Variants in KCTD6 observed in about 807,000 individuals in gnomAD.
The protein encoded by KCTD6 is potassium channel tetramerization domain containing 6, also known as BTB/POZ domain-containing protein KCTD6.
Under a neutral mutation model 18.7 loss-of-function variants are expected in KCTD6, and 6 were observed. That is an observed-to-expected ratio of 0.32 (90% CI 0.18 to 0.63). The LOEUF (loss-of-function observed/expected upper bound fraction) is 0.63. Among genes scored for constraint, KCTD6 ranks in the 30% least tolerant of loss-of-function variants. The pLI, the probability that KCTD6 is intolerant of heterozygous loss-of-function variation, is 0.79. For missense variants in KCTD6, 165 were observed against 300.2 expected (o/e 0.55, Z 3.33); for synonymous variants, 86 against 108.5 (o/e 0.79, Z 1.29).
Position 58,492,886 on chromosome 3 carries a change from C to G in KCTD6, c.-44+717C>G, listed in dbSNP as rs2063161145. 6.6e-6 allele frequency among the ~76,000 whole-genome samples: 1 copy of G among 152,126 alleles called. No homozygotes were observed. The highest frequency in any genetic ancestry group is 1.5e-5 in the Non-Finnish European group (1 of 68,012). On this transcript the variant is annotated intron_variant, in intron 1 of 2. Coordinates refer to ENST00000404589, the MANE Select transcript of KCTD6 (RefSeq NM_001128214.2). This position sits in a 1 kb window ranked among gnomAD's most constrained non-coding sequence, Gnocchi z 6.1. The stretch of plus-strand genomic sequence containing the variant: ...TGTTTGGATATTCTGCCGAAGTTAC[C>G]ATGTTTCTGTTCAAGTATACCAGTT...
rs1410511332 is a variant in KCTD6 at position 58,493,036 on chromosome 3, C to T, written c.-44+867C>T. On this transcript the variant is annotated intron_variant, in intron 1 of 2. Coordinates refer to ENST00000404589, the MANE Select transcript of KCTD6 (RefSeq NM_001128214.2). The surrounding 1 kb of genome is among the most constrained non-coding windows in gnomAD (Gnocchi z 4.5). ...GGTAGCCTAAGTATCTCTTCTATAT[C>T]CCCCTGGCATGTTCTTTTTTTCGCT... is the stretch of plus-strand genomic sequence containing the variant. 6.6e-6 allele frequency among the ~76,000 whole-genome samples: 1 copy of T among 152,148 alleles called. No homozygotes were observed. Among genetic ancestry groups the T allele is most frequent in the Non-Finnish European group, 1.5e-5 (1 of 68,024 alleles).
Position 58,497,706 on chromosome 3 carries a change from G to A in KCTD6, c.-43-1007G>A, listed in dbSNP as rs1434048272. 3 of 152,156 alleles carry A rather than the reference G, an allele frequency of 2.0e-5. No individual in the cohort carries two copies. The highest frequency in any genetic ancestry group is 4.4e-5 in the Non-Finnish European group (3 of 68,034). The allele number at this position is 152,156 out of a possible 1,614,324, so 9.4% of individuals were successfully genotyped here. ...ATTGACTCTCATCTATATCGGTAAG[G>A]TTCTTTTTGCCCCAAATTGTGCTCT... is the stretch of plus-strand genomic sequence containing the variant. On this transcript the variant is annotated intron_variant, in intron 1 of 2. Coordinates refer to ENST00000404589, the MANE Select transcript of KCTD6 (RefSeq NM_001128214.2). This position sits in a 1 kb window ranked among gnomAD's most constrained non-coding sequence, Gnocchi z 4.2.
rs1247863922 is a variant in KCTD6 at position 58,502,092 on chromosome 3, A to G, written c.*460A>G. 1 of 152,734 alleles carries G rather than the reference A, an allele frequency of 6.5e-6. No individual in the cohort carries two copies. The highest frequency in any genetic ancestry group is 1.5e-5 in the Non-Finnish European group (1 of 68,094). 9.5% of individuals were successfully genotyped at this position (152,734 alleles called of 1,614,324 possible). A position where few individuals can be genotyped will look rare whatever the true frequency, so the allele number is the denominator to read the frequency against. ...TAAATAAGTAGTATTGTAATATTAA[A>G]GGAAAACTGTTCCAATCATTTAAAA... is the stretch of plus-strand genomic sequence containing the variant. On this transcript the variant is annotated 3_prime_UTR_variant, in exon 3 of 3. Coordinates refer to ENST00000404589, the MANE Select transcript of KCTD6 (RefSeq NM_001128214.2).
chr3:58,501,592 A>G lies in KCTD6; in HGVS notation c.674A>G (p.Asn225Ser). The G allele has an allele frequency of 7.2e-7, 1 of 1,381,200 alleles. No homozygotes were observed. Among genetic ancestry groups the G allele is most frequent in the South Asian group, 2.2e-5 (1 of 44,576 alleles). 85.6% of individuals were successfully genotyped at this position (1,381,200 alleles called of 1,614,324 possible). ...ERANENTVEH[N>S]WTFCRLARKT... Reference sequence around the variant, plus strand: ...GCCAATGAAAACACAGTGGAGCACAACTGGACTTTCTGTAGGCTAGCCCGG... The same window carrying G: ...GCCAATGAAAACACAGTGGAGCACAGCTGGACTTTCTGTAGGCTAGCCCGG... Residue 225 changes from asparagine to serine, a missense_variant, in exon 3 of 3, where the codon AAC (asparagine) becomes AGC (serine). By Grantham distance (46) the Asn-to-Ser change is conservative (BLOSUM62 1). This residue lies in a region of KCTD6 where 106 missense variants were observed against 230.4 expected (regional missense o/e 0.46). Coordinates refer to ENST00000404589, the MANE Select transcript of KCTD6 (RefSeq NM_001128214.2). The surrounding 1 kb of genome is among the most constrained non-coding windows in gnomAD (Gnocchi z 9.7).
rs1273856390 is a variant in KCTD6 at position 58,496,029 on chromosome 3, A to C, written c.-43-2684A>C. Among the ~76,000 whole-genome samples, 1 of 152,088 alleles carries C rather than the reference A, an allele frequency of 6.6e-6. No homozygotes were observed. Among genetic ancestry groups the C allele is most frequent in the African/African-American group, 2.4e-5 (1 of 41,420 alleles). ...CCTTGTCTTTGATCTTCTGTTTCTC[A>C]TTTAATCATTTGGATATTCACGGAT... On this transcript the variant is annotated intron_variant, in intron 1 of 2. Transcript: ENST00000404589. The surrounding 1 kb of genome is among the most constrained non-coding windows in gnomAD (Gnocchi z 5.1).
intron 2 of KCTD6, among the ~76,000 whole-genome samples, chr3:58,499,006 C>A (rs777913144): frequency 4.6e-5 from 7 of 151,738 alleles, no homozygotes; most frequent in Non-Finnish European, 1.0e-4. Flanking sequence ...GTCTCGCCTT[C>A]TTGCCCAGGC....
Position 58,498,764 on chromosome 3 carries a change from T to C in KCTD6, c.9T>C (p.Asn3=). The part of the protein sequence containing the change: MD[N]GDWGYMMTDP... The stretch of plus-strand genomic sequence containing the variant: ...ACGCATCACTGGAGCAGATGGATAA[T>C]GGAGACTGGGGCTATATGGTGAGTG... Residue 3 remains asparagine, a synonymous_variant, in exon 2 of 3, where the codon AAT becomes AAC. Transcript: ENST00000404589. The surrounding 1 kb of genome is among the most constrained non-coding windows in gnomAD (Gnocchi z 4.6). 1.2e-6 allele frequency: 2 copies of C among 1,612,620 alleles called. No homozygotes were observed. The highest frequency in any genetic ancestry group is 1.7e-6 in the Non-Finnish European group (2 of 1,179,356).
At position 58,500,888 on chromosome 3, in the gene KCTD6, T is replaced by G. The variant is rs1213188429; in HGVS notation, c.28-58T>G. The G allele has an allele frequency of 2.0e-5, 22 of 1,097,224 alleles. No homozygotes were observed. In the Admixed American group the frequency reaches 4.4e-4, roughly 22 times the overall value. The allele number at this position is 1,097,224 out of a possible 1,614,324, so 68.0% of individuals were successfully genotyped here. ...GCTCAGTATCACTTACTTTCTTAAT[T>G]TGTCAAAGTTAGTATTTAAAAATTT... On this transcript the variant is annotated intron_variant, in intron 2 of 2. Transcript: ENST00000404589.
In KCTD6 at chr3:58,501,812, T is replaced by TC; in HGVS notation, c.*185dup. On this transcript the variant is annotated 3_prime_UTR_variant, in exon 3 of 3. Coordinates refer to ENST00000404589, the MANE Select transcript of KCTD6 (RefSeq NM_001128214.2). This position sits in a 1 kb window ranked among gnomAD's most constrained non-coding sequence, Gnocchi z 9.7. ...CAGACTCCTCCATGTTTTGTTCCCT[T>TC]CCCCCTGAGTATGCATGTGCCTGTT... 2.5e-6 allele frequency: 1 copy of TC among 402,292 alleles called. No homozygotes were observed. 24.9% of individuals were successfully genotyped at this position (402,292 alleles called of 1,614,324 possible). A position where few individuals can be genotyped will look rare whatever the true frequency, so the allele number is the denominator to read the frequency against.
At chr3:58,494,931 C>T (rs925179459) in intron 1 of KCTD6, among the ~76,000 whole-genome samples, 2 of 152,188 alleles carry the variant, frequency 1.3e-5, no homozygotes, top group East Asian at 3.8e-4. Flanking sequence ...ATTTTCAGCA[C>T]TGCTTTATAT....
chr3:58,498,457 G>T lies in KCTD6; in HGVS notation c.-43-256G>T. 1 of 367,866 alleles carries T rather than the reference G, an allele frequency of 2.7e-6. No homozygotes were observed. 22.8% of individuals were successfully genotyped at this position (367,866 alleles called of 1,614,324 possible). A position where few individuals can be genotyped will look rare whatever the true frequency, so the allele number is the denominator to read the frequency against. ...CCTAGACTCTTCCTCCTTCTCTTAA[G>T]TACAGTATAGTTCTTTCTCTGAAAA... On this transcript the variant is annotated intron_variant, in intron 1 of 2. Coordinates refer to ENST00000404589, the MANE Select transcript of KCTD6 (RefSeq NM_001128214.2). This position sits in a 1 kb window ranked among gnomAD's most constrained non-coding sequence, Gnocchi z 4.6.
Position 58,492,950 on chromosome 3 carries a change from A to G in KCTD6, c.-44+781A>G, listed in dbSNP as rs962953390. Among the ~76,000 whole-genome samples the G allele has an allele frequency of 2.0e-5, 3 of 152,220 alleles. No individual in the cohort carries two copies. The highest frequency in any genetic ancestry group is 7.2e-5 in the African/African-American group (3 of 41,466). On this transcript the variant is annotated intron_variant, in intron 1 of 2. Transcript: ENST00000404589. This position sits in a 1 kb window ranked among gnomAD's most constrained non-coding sequence, Gnocchi z 6.1. ...ATGGATCCAATTTTAGGACTTTGTG[A>G]TAGAAGAGGTTTGGGTGGCAAAGTG... is the stretch of plus-strand genomic sequence containing the variant.
chr3:58,499,729 G>C (rs2063196301), intron 2 of KCTD6, among the ~76,000 whole-genome samples: 1 of 151,792 alleles, frequency 6.6e-6, no homozygotes, highest in Admixed American at 6.6e-5. Context: ...TTGTAGAGAT[G>C]GAGTTTTGTC....
At position 58,492,826 on chromosome 3, in the gene KCTD6, G is replaced by A. The variant is rs1034374263; in HGVS notation, c.-44+657G>A. ...TGACAGTGGTGGAGGCTGTGTCTGG[G>A]GGTGGGACGGGGAAATGAAACGTGA... On this transcript the variant is annotated intron_variant, in intron 1 of 2. Transcript: ENST00000404589. The surrounding 1 kb of genome is among the most constrained non-coding windows in gnomAD (Gnocchi z 6.1). 6.6e-6 allele frequency among the ~76,000 whole-genome samples: 1 copy of A among 152,152 alleles called. No individual in the cohort carries two copies. The highest frequency in any genetic ancestry group is 2.4e-5 in the African/African-American group (1 of 41,432).
Position 58,501,530 on chromosome 3 carries a change from G to A in KCTD6, c.612G>A (p.Thr204=), listed in dbSNP as rs112724944. ...LMEYITKQGF[T]IRNTRVHHMS... Reference sequence around the variant, plus strand: ...AATACATTACAAAACAAGGTTTCACGATCCGCAACACCCGGGTGCATCACA... The same window carrying A: ...AATACATTACAAAACAAGGTTTCACAATCCGCAACACCCGGGTGCATCACA... Residue 204 remains threonine, a synonymous_variant, in exon 3 of 3, where the codon ACG becomes ACA. Transcript: ENST00000404589. The surrounding 1 kb of genome is among the most constrained non-coding windows in gnomAD (Gnocchi z 9.7). The A allele has an allele frequency of 1.0e-2, 14,876 of 1,492,462 alleles. 111 individuals are homozygous for A. Among genetic ancestry groups the A allele is most frequent in the Non-Finnish European group, 0.012 (13,458 of 1,123,440 alleles). 92.5% of individuals were successfully genotyped at this position (1,492,462 alleles called of 1,614,324 possible).
At position 58,497,826 on chromosome 3, in the gene KCTD6, T is replaced by C. The variant is rs2063186089; in HGVS notation, c.-43-887T>C. On this transcript the variant is annotated intron_variant, in intron 1 of 2. Transcript: ENST00000404589. The surrounding 1 kb of genome is among the most constrained non-coding windows in gnomAD (Gnocchi z 4.2). ...AAAGCATCATCTTTTTTTTTTATAT[T>C]GTAAGATAAATACCATTCTGATGTA... The C allele has an allele frequency of 1.3e-5, 2 of 152,158 alleles. No homozygotes were observed. Among genetic ancestry groups the C allele is most frequent in the South Asian group, 4.1e-4 (2 of 4,836 alleles). The allele number at this position is 152,158 out of a possible 1,614,324, so 9.4% of individuals were successfully genotyped here.
In KCTD6 at chr3:58,501,644, G is replaced by GC. The variant is rs768472776; in HGVS notation, c.*14dup. The GC allele has an allele frequency of 2.3e-6, 3 of 1,313,680 alleles. No homozygotes were observed. The Admixed American group carries it at 9.2e-5, about 40-fold the overall frequency. The allele number at this position is 1,313,680 out of a possible 1,614,324, so 81.4% of individuals were successfully genotyped here. A position where few individuals can be genotyped will look rare whatever the true frequency, so the allele number is the denominator to read the frequency against. ...AGACAGACGACTGATCTCCGACCCT[G>GC]CCACAGGTTCCTGGAAAGACTCTCC... is the stretch of plus-strand genomic sequence containing the variant. On this transcript the variant is annotated 3_prime_UTR_variant, in exon 3 of 3. Coordinates refer to ENST00000404589, the MANE Select transcript of KCTD6 (RefSeq NM_001128214.2). The surrounding 1 kb of genome is among the most constrained non-coding windows in gnomAD (Gnocchi z 9.7).
At chr3:58,494,544 G>A (rs977933632) in intron 1 of KCTD6, 4 of 152,102 alleles carry the variant, frequency 2.6e-5, no homozygotes, top group Admixed American at 2.0e-4. Flanking sequence ...ATTCGTTGGA[G>A]GTTTTTATTG....
In KCTD6 at chr3:58,497,806, A is replaced by G. The variant is rs2063185962; in HGVS notation, c.-43-907A>G. The stretch of plus-strand genomic sequence containing the variant: ...GAGAAATACATCATTATTTAAAAGC[A>G]TCATCTTTTTTTTTTATATTGTAAG... On this transcript the variant is annotated intron_variant, in intron 1 of 2. Transcript: ENST00000404589. The surrounding 1 kb of genome is among the most constrained non-coding windows in gnomAD (Gnocchi z 4.2). The G allele has an allele frequency of 6.6e-6, 1 of 151,524 alleles. No homozygotes were observed. Among genetic ancestry groups the G allele is most frequent in the Non-Finnish European group, 1.5e-5 (1 of 67,880 alleles). 9.4% of individuals were successfully genotyped at this position (151,524 alleles called of 1,614,324 possible).
Sources: allele counts gnomAD v4.1 joint callset (sites outside exome capture counted in the v4.1 genomes callset), GRCh38; gene constraint gnomAD v4.1.1; regional missense constraint gnomAD v4.1.1; non-coding constraint Gnocchi (gnomAD v3.1); transcripts MANE v1.5; gene names NCBI Gene and HGNC (gene_info 2026-07-23, HGNC 2026-07-21).